The following DYTN variants were observed in gnomAD, a reference collection of about 807,000 sequenced individuals.
The protein encoded by DYTN is dystrotelin.
In DYTN, 75 loss-of-function variants were observed where a neutral mutation model predicts 69.6. That is an observed-to-expected ratio of 1.08 (90% CI 0.89 to 1.31). The LOEUF is 1.31. DYTN is among the 50% of genes most tolerant of loss of function. DYTN has a pLI of 0.00. For synonymous variants in DYTN, 252 were observed against 249.1 expected (o/e 1.01, Z -0.11); for missense variants, 726 against 688.4 (o/e 1.05, Z -0.61).
chr2:206,688,204 G>T (rs1173172782), intron 9 of DYTN, among the ~76,000 whole-genome samples: 4 of 152,060 alleles, frequency 2.6e-5, no homozygotes, highest in Non-Finnish European at 5.9e-5. Flanking sequence ...GCACAACCTT[G>T]TTTTATGTGT....
intron 9 of DYTN, among the ~76,000 whole-genome samples, chr2:206,671,913 A>G (rs895400765): frequency 6.6e-6 from 1 of 152,234 alleles, no homozygotes; most frequent in African/African-American, 2.4e-5. Flanking sequence ...AAAATCTTCA[A>G]AATGAAAAGC....
chr2:206,712,972 C>T (rs1700091073), intron 1 of DYTN, among the ~76,000 whole-genome samples: 1 of 152,230 alleles, frequency 6.6e-6, no homozygotes, highest in African/African-American at 2.4e-5. Context: ...ACCCTCTTGT[C>T]AGGCTGTGTA....
chr2:206,665,749 G>A (rs1214599508), intron 10 of DYTN, 121 bp downstream of exon 10: 42 of 1,206,208 alleles, frequency 3.5e-5, no homozygotes, highest in South Asian at 6.4e-5. Context: ...GTCAGGGTAC[G>A]GGGAGAAGAG....
intron 5 of DYTN, among the ~76,000 whole-genome samples, chr2:206,702,271 T>C (rs1699984024): frequency 6.6e-6 from 1 of 152,262 alleles, no homozygotes; most frequent in South Asian, 2.1e-4. Flanking sequence ...TCCCATTTGG[T>C]CACGGGTCCT....
Position 206,651,889 on chromosome 2 carries a change from T to C in DYTN, c.1666A>G (p.Ser556Gly). Residue 556 changes from serine (S) to glycine (G), a missense_variant, in exon 12 of 12, where the codon AGT (serine) becomes GGT (glycine). Ser to Gly is a moderately conservative substitution (Grantham distance 56). Transcript: ENST00000452335. Reference sequence around the variant, plus strand: ...GCCCTGCACACTCGCTGAGCTCCACTGTACAGGTCCATGTTTACTGAAGAC... The same window carrying C: ...GCCCTGCACACTCGCTGAGCTCCACCGTACAGGTCCATGTTTACTGAAGAC... ...PESSVNMDLY[S>G]GAQRVCRAFS... is the part of the protein sequence containing the mutation. 1.2e-6 allele frequency: 2 copies of C among 1,613,526 alleles called. No individual in the cohort carries two copies. Among genetic ancestry groups the C allele is most frequent in the Non-Finnish European group, 1.7e-6 (2 of 1,179,554 alleles).
intron 1 of DYTN, among the ~76,000 whole-genome samples, chr2:206,712,958 A>G (rs1700090746): frequency 6.6e-6 from 1 of 152,252 alleles, no homozygotes; most frequent in Admixed American, 6.5e-5. Flanking sequence ...TTGGAGCAGA[A>G]ATCACCCTCT....
chr2:206,706,900 T>TA (rs199983044), intron 3 of DYTN, among the ~76,000 whole-genome samples: 39,424 of 119,446 alleles, frequency 0.33, 5,431 homozygotes, highest in East Asian at 0.42. Flanking sequence ...TTATTCTAGC[T>TA]AAAAAAAAAA....
intron 9 of DYTN, among the ~76,000 whole-genome samples, chr2:206,684,419 C>T (rs1267663753): frequency 6.6e-6 from 1 of 152,170 alleles, no homozygotes; most frequent in Non-Finnish European, 1.5e-5. Flanking sequence ...ATCCTCCTAC[C>T]TCAGCCTCCC....
rs945418715 is a variant in DYTN, at chr2:206,710,417, G to T, written c.94+107C>A. 5 of 1,072,034 alleles carry T rather than the reference G, an allele frequency of 4.7e-6. No homozygotes were observed. In the African/African-American group the frequency reaches 4.9e-5, roughly 10 times the overall value. 66.4% of individuals were successfully genotyped at this position (1,072,034 alleles called of 1,614,324 possible). Reference sequence around the variant, plus strand: ...CTAAATGCACAAGTCCAGACTTCCAGAATCCAGTAGTCAGCTGCATGGGGG... The same window carrying T: ...CTAAATGCACAAGTCCAGACTTCCATAATCCAGTAGTCAGCTGCATGGGGG... On this transcript the variant is annotated intron_variant, in intron 2 of 11. Transcript: ENST00000452335.
At chr2:206,681,931 G>C (rs1293159597) in intron 9 of DYTN, among the ~76,000 whole-genome samples, 1 of 152,146 alleles carries the variant, frequency 6.6e-6, no homozygotes, top group African/African-American at 2.4e-5. Context: ...CAATAGTTTG[G>C]AATAGTTTCA....
At chr2:206,706,030 G>A (rs1029381414) in intron 3 of DYTN, among the ~76,000 whole-genome samples, 157 bp from the exon 4 acceptor site, 1 of 152,172 alleles carries the variant, frequency 6.6e-6, no homozygotes, top group Non-Finnish European at 1.5e-5. Flanking sequence ...GAATTTAGCA[G>A]AACAGAGCAT....
At chr2:206,691,356 C>A (rs535844779) in intron 9 of DYTN, among the ~76,000 whole-genome samples, 1 of 151,848 alleles carries the variant, frequency 6.6e-6, no homozygotes, top group African/African-American at 2.4e-5. Context: ...GAGGTCGCAG[C>A]GAGCCGAGAT....
rs762767995 is a variant in DYTN at position 206,694,884 on chromosome 2, G to C, written c.720-7C>G. On this transcript the variant is annotated splice_polypyrimidine_tract_variant and splice_region_variant and intron_variant, in intron 7 of 11. Transcript: ENST00000452335. ...ACACTTCAGACAGCGGTATCTGCCA[G>C]TTAAAATAGAAGCACAGCTTACGTC... 6.8e-7 allele frequency: 1 copy of C among 1,472,578 alleles called. No individual in the cohort carries two copies. The highest frequency in any genetic ancestry group is 9.2e-7 in the Non-Finnish European group (1 of 1,088,944). The allele number at this position is 1,472,578 out of a possible 1,614,324, so 91.2% of individuals were successfully genotyped here.
chr2:206,670,397 A>G (rs1485398323), intron 9 of DYTN: 1 of 152,060 alleles, frequency 6.6e-6, no homozygotes, highest in East Asian at 1.9e-4. Flanking sequence ...AAAAAATGGT[A>G]AAATTTTTGT....
At position 206,663,185 on chromosome 2, in the gene DYTN, G is replaced by A. The variant is rs377396036; in HGVS notation, c.1351C>T (p.Arg451Ter). The part of the protein sequence containing the change: ...RSHTNAEHAL[R>*]NPESPETTLH... Reference sequence around the variant, plus strand: ...GTGGTCTCTGGTGATTCTGGATTTCGCAGAGCATGCTCTGCATTTGTGTGA... The same window carrying A: ...GTGGTCTCTGGTGATTCTGGATTTCACAGAGCATGCTCTGCATTTGTGTGA... Residue 451 changes from arginine to a stop codon, truncating the protein, a stop_gained, in exon 11 of 12, where the codon CGA (arginine) becomes TGA (stop). Coordinates refer to ENST00000452335, the MANE Select transcript of DYTN (RefSeq NM_001093730.1). LOFTEE classifies it high-confidence loss of function. The A allele has an allele frequency of 2.8e-5, 45 of 1,613,890 alleles. No homozygotes were observed. The African/African-American group carries it at 3.7e-4, about 13-fold the overall frequency.
In DYTN at chr2:206,675,115, ATGTGTG is replaced by A. The variant is rs757679127; in HGVS notation, c.981-9092_981-9087del. On this transcript the variant is annotated intron_variant, in intron 9 of 11. Transcript: ENST00000452335. ...TGGAGGGGAAAAAACATATATATATATGTGTGTGTGTGTGTGTGTGTGTGTGTGTGT... is the reference window on the plus strand; with the variant it reads ...TGGAGGGGAAAAAACATATATATATATGTGTGTGTGTGTGTGTGTGTGTGT... 1.2e-3 allele frequency among the ~76,000 whole-genome samples: 154 copies of A among 131,542 alleles called. 3 individuals are homozygous for A. The highest frequency in any genetic ancestry group is 0.011 in the Middle Eastern group (3 of 268). The allele number at this position is 131,542 out of a possible 152,430, so 86.3% of individuals were successfully genotyped here.
intron 9 of DYTN, among the ~76,000 whole-genome samples, chr2:206,675,144 T>TGA (rs1339456834): frequency 7.6e-6 from 1 of 132,440 alleles, no homozygotes; most frequent in African/African-American, 2.7e-5. Flanking sequence ...TGTGTGTGTG[T>TGA]GTATATATGT....
intron 11 of DYTN, among the ~76,000 whole-genome samples, chr2:206,655,226 A>G (rs1219715368): frequency 1.4e-5 from 2 of 147,308 alleles, no homozygotes; most frequent in Non-Finnish European, 3.0e-5. Flanking sequence ...TTTTTCCTAT[A>G]TCTATTGTGA....
intron 9 of DYTN, among the ~76,000 whole-genome samples, chr2:206,674,438 A>C (rs1203380371): frequency 6.6e-6 from 1 of 152,184 alleles, no homozygotes; most frequent in African/African-American, 2.4e-5. Flanking sequence ...AACAAATAAA[A>C]AATTTATGAA....
Sources: allele counts gnomAD v4.1 joint callset (sites outside exome capture counted in the v4.1 genomes callset), GRCh38; gene constraint gnomAD v4.1.1; transcripts MANE v1.5; gene names NCBI Gene and HGNC (gene_info 2026-07-23, HGNC 2026-07-21).